The following ENTHD1 variants were observed in gnomAD, a reference collection of about 807,000 sequenced individuals.
The protein encoded by ENTHD1 is ENTH domain-containing protein 1.
Under a neutral mutation model 39.1 loss-of-function variants are expected in ENTHD1, and 23 were observed. The ratio of observed to expected loss-of-function variants is 0.59; its 90% CI spans 0.42 to 0.83. The LOEUF is 0.83. Ranked by LOEUF, ENTHD1 falls within the 40% of genes least tolerant of loss-of-function variation. ENTHD1 has a pLI of 0.00. For missense variants in ENTHD1, 624 were observed against 705.4 expected (o/e 0.88, Z 1.31); for synonymous variants, 230 against 258.2 (o/e 0.89, Z 1.05).
chr22:39,887,419 A>G lies in ENTHD1; in HGVS notation c.330T>C (p.Asp110=). The change falls in exon 2 of 7, where the codon GAT becomes GAC. Residue 110 remains aspartate (D), a synonymous_variant. Coordinates refer to ENST00000325157, the MANE Select transcript of ENTHD1 (RefSeq NM_152512.4). ...LQTLKDFQHI[D]EAGKDQGYYI... is the part of the protein sequence containing the mutation. Reference sequence around the variant, plus strand: ...CATTACCTTGGTCTTTTCCAGCTTCATCTATGTGCTGAAAATCTTTTAGTG... The same window carrying G: ...CATTACCTTGGTCTTTTCCAGCTTCGTCTATGTGCTGAAAATCTTTTAGTG... The G allele has an allele frequency of 6.2e-7, 1 of 1,609,950 alleles. No individual in the cohort carries two copies. Among genetic ancestry groups the G allele is most frequent in the African/African-American group, 1.3e-5 (1 of 74,780 alleles).
intron 2 of ENTHD1, chr22:39,875,978 G>T: frequency 6.2e-7 from 1 of 1,613,956 alleles, no homozygotes; most frequent in East Asian, 2.2e-5. Context: ...AAATGCAGGA[G>T]ATTTTGGTGG....
intron 2 of ENTHD1, among the ~76,000 whole-genome samples, chr22:39,876,535 G>C (rs905626441): frequency 1.5e-5 from 2 of 134,504 alleles, no homozygotes; most frequent in Admixed American, 7.4e-5. Flanking sequence ...AAAAAAAAAA[G>C]AAATTCAAAA....
At chr22:39,839,322 G>T (rs779327834) in intron 3 of ENTHD1, among the ~76,000 whole-genome samples, 1 of 152,106 alleles carries the variant, frequency 6.6e-6, no homozygotes, top group Non-Finnish European at 1.5e-5. Context: ...AAACGTTCTT[G>T]AATTAATTAA....
At chr22:39,771,968 T>TA (rs2065329644) in intron 5 of ENTHD1, among the ~76,000 whole-genome samples, 2 of 152,302 alleles carry the variant, frequency 1.3e-5, no homozygotes, top group South Asian at 4.2e-4. Flanking sequence ...CTTAATTTTT[T>TA]AAAAATAAAA....
chr22:39,856,367 A>G (rs2066087637), intron 3 of ENTHD1, among the ~76,000 whole-genome samples: 1 of 152,044 alleles, frequency 6.6e-6, no homozygotes, highest in African/African-American at 2.4e-5. Flanking sequence ...TTCCTTTAAA[A>G]TACAGCTTCA....
intron 5 of ENTHD1, among the ~76,000 whole-genome samples, chr22:39,776,112 C>T (rs1012345552): frequency 2.6e-5 from 4 of 151,998 alleles, no homozygotes; most frequent in African/African-American, 7.3e-5. Context: ...CAGGTAGTCT[C>T]GAACTCCTGG....
chr22:39,873,638 A>C (rs1307703030), intron 2 of ENTHD1, among the ~76,000 whole-genome samples: 1 of 152,154 alleles, frequency 6.6e-6, no homozygotes, highest in Non-Finnish European at 1.5e-5. Flanking sequence ...CCTGCTCTTC[A>C]TTTTTCATAA....
At chr22:39,873,136 T>C (rs1052579756) in intron 2 of ENTHD1, among the ~76,000 whole-genome samples, 1 of 152,136 alleles carries the variant, frequency 6.6e-6, no homozygotes, top group African/African-American at 2.4e-5. Flanking sequence ...ATAACAACAT[T>C]GAAATCTGTC....
chr22:39,754,939 T>C (rs2065173588), intron 6 of ENTHD1, among the ~76,000 whole-genome samples: 1 of 152,252 alleles, frequency 6.6e-6, no homozygotes, highest in Non-Finnish European at 1.5e-5. Context: ...ATAGCTTCTA[T>C]CATCTGTCTG....
At chr22:39,817,029 T>C (rs537807732) in intron 5 of ENTHD1, among the ~76,000 whole-genome samples, 15 of 151,692 alleles carry the variant, frequency 9.9e-5, no homozygotes, top group African/African-American at 3.1e-4. Flanking sequence ...GAAATAGAAA[T>C]ATCTACTCAA....
chr22:39,778,581 A>G (rs1476983224), intron 5 of ENTHD1, among the ~76,000 whole-genome samples: 1 of 152,242 alleles, frequency 6.6e-6, no homozygotes, highest in Non-Finnish European at 1.5e-5. Context: ...TATTCAAAAT[A>G]AGCAAAAAAG....
intron 4 of ENTHD1, among the ~76,000 whole-genome samples, chr22:39,823,146 C>T (rs190997251): frequency 6.6e-6 from 1 of 152,220 alleles, no homozygotes; most frequent in East Asian, 1.9e-4. Flanking sequence ...TTGGGACTGG[C>T]TTTTTTAGCC....
At chr22:39,775,781 A>G (rs1479343257) in intron 5 of ENTHD1, among the ~76,000 whole-genome samples, 1 of 152,148 alleles carries the variant, frequency 6.6e-6, no homozygotes, top group Non-Finnish European at 1.5e-5. Context: ...TCCCAGGAAG[A>G]TGGCTTTGGG....
At chr22:39,801,966 A>C in intron 5 of ENTHD1, among the ~76,000 whole-genome samples, 1 of 152,168 alleles carries the variant, frequency 6.6e-6, no homozygotes, top group South Asian at 2.1e-4. Context: ...CTAAGTTCTG[A>C]TTTAATTATT....
intron 4 of ENTHD1, among the ~76,000 whole-genome samples, chr22:39,827,443 C>G (rs1052154073): frequency 3.3e-5 from 5 of 151,608 alleles, no homozygotes; most frequent in Non-Finnish European, 4.4e-5. Context: ...AGATAAAGAA[C>G]CAGGAAGTGG....
intron 5 of ENTHD1, among the ~76,000 whole-genome samples, chr22:39,783,080 C>T (rs1361483166): frequency 2.0e-5 from 3 of 152,058 alleles, no homozygotes; most frequent in African/African-American, 7.2e-5. Context: ...TTTAGTAAAG[C>T]TGGAGGATGT....
chr22:39,811,394 G>A (rs117811619), intron 5 of ENTHD1, among the ~76,000 whole-genome samples: 2,567 of 152,300 alleles, frequency 0.017, 38 homozygotes, highest in Non-Finnish European at 0.025. Flanking sequence ...TAAGGGAAGT[G>A]CCTGAGGCAG....
Position 39,887,842 on chromosome 22 carries a change from C to A in ENTHD1, c.-94G>T. Reference sequence around the variant, plus strand: ...ATAAAACTCTTGACAGGTAATTGGTCCCCAGTTCTGCTGCTCCCAAATACA... The same window carrying A: ...ATAAAACTCTTGACAGGTAATTGGTACCCAGTTCTGCTGCTCCCAAATACA... On this transcript the variant is annotated 5_prime_UTR_variant, in exon 2 of 7. Transcript: ENST00000325157. The A allele has an allele frequency of 1.2e-6, 1 of 831,162 alleles. No individual in the cohort carries two copies. Among genetic ancestry groups the A allele is most frequent in the Non-Finnish European group, 1.8e-6 (1 of 544,388 alleles). The allele number at this position is 831,162 out of a possible 1,614,324, so 51.5% of individuals were successfully genotyped here.
chr22:39,817,667 G>A (rs1214171644), intron 5 of ENTHD1, among the ~76,000 whole-genome samples: 1 of 151,900 alleles, frequency 6.6e-6, no homozygotes, highest in Non-Finnish European at 1.5e-5. Flanking sequence ...TTTAAATTAA[G>A]AGTATATTCA....
Sources: gnomAD v4.1 joint callset for allele counts (sites outside exome capture counted in the v4.1 genomes callset) on GRCh38, gnomAD v4.1.1 for gene constraint, MANE v1.5 for transcripts, NCBI Gene and HGNC (gene_info 2026-07-23, HGNC 2026-07-21) for gene names.